LAMC3: variants seen among roughly 807,000 people sequenced by gnomAD.
LAMC3 encodes the protein laminin subunit gamma-3.
A neutral mutation model predicts 173.8 loss-of-function variants in LAMC3; 128 were observed. That is an observed-to-expected ratio of 0.74 (90% CI 0.64 to 0.85). LAMC3 has a LOEUF of 0.85. LAMC3 is among the 40% of genes least tolerant of loss of function. The probability of loss-of-function intolerance (pLI) is 0.00; values close to 1 mark genes in which losing one functional copy is unlikely to be tolerated. For synonymous variants in LAMC3, 897 were observed against 909.1 expected (o/e 0.99, Z 0.24); for missense variants, 2,022 against 2,156.0 (o/e 0.94, Z 1.23).
At chr9:131,069,502 C>T (rs1830001489) in intron 16 of LAMC3, among the ~76,000 whole-genome samples, 170 bp from the exon 17 acceptor site, 1 of 152,178 alleles carries the variant, frequency 6.6e-6, no homozygotes, top group African/African-American at 2.4e-5. Flanking sequence ...CCACCTTCAA[C>T]CTTCTGAATC....
chr9:131,018,247 G>A (rs1018063196), intron 1 of LAMC3, among the ~76,000 whole-genome samples: 1 of 150,746 alleles, frequency 6.6e-6, no homozygotes, highest in African/African-American at 2.4e-5. Context: ...CGATTCTCAT[G>A]CCTCAGCCTC....
In LAMC3 at chr9:131,052,530, C is replaced by T. The variant is rs774146147; in HGVS notation, c.1670C>T (p.Pro557Leu). Residue 557 changes from proline (P) to leucine (L), a missense_variant, in exon 10 of 28, where the codon CCC (proline) becomes CTC (leucine). Physicochemically the swap from Pro to Leu is moderately conservative, Grantham distance 98. Transcript: ENST00000361069. ...LGDQRFSYGQ[P>L]LILTFRVPPG... Reference sequence around the variant, plus strand: ...GACCAGCGGTTCAGCTATGGGCAGCCCCTCATACTGACCTTCCGGGTGCCC... The same window carrying T: ...GACCAGCGGTTCAGCTATGGGCAGCTCCTCATACTGACCTTCCGGGTGCCC... 8 of 1,614,184 alleles carry T rather than the reference C, an allele frequency of 5.0e-6. No homozygotes were observed. In the South Asian group the frequency reaches 5.5e-5, roughly 11 times the overall value.
At chr9:131,071,309 T>TG (rs1370306861) in intron 17 of LAMC3, among the ~76,000 whole-genome samples, 175 bp from the exon 18 acceptor site, 1 of 151,758 alleles carries the variant, frequency 6.6e-6, no homozygotes, top group African/African-American at 2.4e-5. Context: ...ACAGCTACCA[T>TG]GGGGTGGGCA....
chr9:131,082,443 G>A (rs992854281), intron 24 of LAMC3, among the ~76,000 whole-genome samples: 1 of 152,178 alleles, frequency 6.6e-6, no homozygotes, highest in Non-Finnish European at 1.5e-5. Context: ...ATCATTGGCT[G>A]TTCAACCAGG....
chr9:131,084,619 G>A (rs1202828797), intron 24 of LAMC3, among the ~76,000 whole-genome samples: 1 of 152,064 alleles, frequency 6.6e-6, no homozygotes, highest in Admixed American at 6.6e-5. Flanking sequence ...CATTTCCTCT[G>A]GGTGTGGTGG....
chr9:131,013,723 A>C (rs1288166373), intron 1 of LAMC3, among the ~76,000 whole-genome samples: 1 of 152,138 alleles, frequency 6.6e-6, no homozygotes, highest in African/African-American at 2.4e-5. Flanking sequence ...CAAAGAGGGA[A>C]GGATGTTCTT....
chr9:131,071,962 C>T (rs1830043375), intron 18 of LAMC3, among the ~76,000 whole-genome samples: 1 of 152,088 alleles, frequency 6.6e-6, no homozygotes, highest in South Asian at 2.1e-4. Context: ...CAGCACGGTG[C>T]TCAGCACATA....
rs76499848 is a variant in LAMC3 at position 131,018,525 on chromosome 9, G to A, written c.374-7760G>A. Among the ~76,000 whole-genome samples the A allele has an allele frequency of 3.9e-3, 598 of 152,238 alleles. 3 individuals are homozygous for A. Among genetic ancestry groups the A allele is most frequent in the African/African-American group, 0.014 (567 of 41,538 alleles). ...CCAGGGGCCAATGAGGCTTCTGGGT[G>A]ATTGAGACAGCTGTGTTCCTATCAG... is the stretch of plus-strand genomic sequence containing the variant. On this transcript the variant is annotated intron_variant, in intron 1 of 27. Transcript: ENST00000361069.
chr9:131,082,568 T>C (rs1830260894), intron 24 of LAMC3, among the ~76,000 whole-genome samples: 1 of 152,188 alleles, frequency 6.6e-6, no homozygotes, highest in African/African-American at 2.4e-5. Context: ...TAGAAGGGGC[T>C]ATGGGTTGAT....
Position 131,093,648 on chromosome 9 carries a change from CG to C in LAMC3, c.*1862del, listed in dbSNP as rs1184860114. 1 of 152,076 alleles carries C rather than the reference CG, an allele frequency of 6.6e-6. No homozygotes were observed. Among genetic ancestry groups the C allele is most frequent in the Non-Finnish European group, 1.5e-5 (1 of 68,058 alleles). The allele number at this position is 152,076 out of a possible 1,614,324, so 9.4% of individuals were successfully genotyped here. A position where few individuals can be genotyped will look rare whatever the true frequency, so the allele number is the denominator to read the frequency against. On this transcript the variant is annotated 3_prime_UTR_variant, in exon 28 of 28. Coordinates refer to ENST00000361069, the MANE Select transcript of LAMC3 (RefSeq NM_006059.4). ...AGCAGAAAAGGGGTGTTGGGAGGGTCGCTTGGAACCCTGGAGTAAAAACGGC... is the reference window on the plus strand; with the variant it reads ...AGCAGAAAAGGGGTGTTGGGAGGGTCCTTGGAACCCTGGAGTAAAAACGGC...
chr9:131,082,205 C>T (rs1006090226), intron 24 of LAMC3, 44 bp downstream of exon 24: 2 of 1,392,992 alleles, frequency 1.4e-6, no homozygotes, highest in African/African-American at 2.8e-5. Context: ...ATGACGAACG[C>T]CCCTGACAGC....
At chr9:131,015,406 G>A (rs1192581616) in intron 1 of LAMC3, among the ~76,000 whole-genome samples, 1 of 152,054 alleles carries the variant, frequency 6.6e-6, no homozygotes, top group Non-Finnish European at 1.5e-5. Context: ...CTTCCCTGTG[G>A]CCCCTTGTCC....
At chr9:131,079,013 C>T (rs1830185940) in intron 22 of LAMC3, 136 bp from the exon 23 acceptor site, 2 of 1,112,738 alleles carry the variant, frequency 1.8e-6, no homozygotes, top group Non-Finnish European at 2.6e-6. Context: ...ACCAGGTTTT[C>T]AGGGGGCTTG....
At chr9:131,085,766 G>C (rs777594008) in intron 25 of LAMC3, 43 bp downstream of exon 25, 2 of 1,585,248 alleles carry the variant, frequency 1.3e-6, no homozygotes, top group Non-Finnish European at 1.7e-6. Context: ...CTTCCCTCCC[G>C]GGGGGACCGC....
chr9:131,010,306 AGAGT>A (rs1392980817), intron 1 of LAMC3, among the ~76,000 whole-genome samples: 1 of 152,132 alleles, frequency 6.6e-6, no homozygotes, highest in Non-Finnish European at 1.5e-5. Context: ...CCTGGGCTAC[AGAGT>A]GAGACCTTAT....
At chr9:131,069,948 G>A in intron 17 of LAMC3, 98 bp downstream of exon 17, 3 of 1,281,814 alleles carry the variant, frequency 2.3e-6, no homozygotes, top group South Asian at 2.6e-5. Flanking sequence ...CTTACCCCCA[G>A]TGCTCAGGCT....
At chr9:131,032,578 C>T (rs1833855519) in intron 3 of LAMC3, among the ~76,000 whole-genome samples, 2 of 141,072 alleles carry the variant, frequency 1.4e-5, no homozygotes, top group South Asian at 2.2e-4. Flanking sequence ...TGCTCTCTCT[C>T]GCTTGCTCTC....
At chr9:131,087,937 C>T in intron 27 of LAMC3, 120 bp downstream of exon 27, 2 of 789,836 alleles carry the variant, frequency 2.5e-6, no homozygotes, top group Non-Finnish European at 4.3e-6. Flanking sequence ...ATGCTTCCCG[C>T]ATCCCCATCT....
intron 13 of LAMC3, 130 bp downstream of exon 13, chr9:131,061,353 G>A: frequency 1.3e-6 from 1 of 750,042 alleles, no homozygotes; most frequent in Non-Finnish European, 2.2e-6. Context: ...CAGCTTACGG[G>A]CAGCAGGCAT....
Sources: gnomAD v4.1 joint callset for allele counts (sites outside exome capture counted in the v4.1 genomes callset) on GRCh38, gnomAD v4.1.1 for gene constraint, MANE v1.5 for transcripts, NCBI Gene and HGNC (gene_info 2026-07-23, HGNC 2026-07-21) for gene names.